Variants in COL26A1 observed in about 807,000 individuals in gnomAD.
COL26A1 encodes collagen alpha-1(XXVI) chain.
COL26A1 carries 41 observed loss-of-function variants against 59.3 expected under a neutral mutation model. The observed-to-expected ratio is 0.69, with a 90% CI of 0.54 to 0.90. The LOEUF is 0.90. Among genes scored for constraint, COL26A1 ranks in the 40% least tolerant of loss-of-function variants. The pLI is 0.00. For missense variants in COL26A1, 612 were observed against 602.3 expected, an observed-to-expected ratio of 1.02 and a Z score of -0.17; for synonymous variants, 266 against 256.0, an observed-to-expected ratio of 1.04 and a Z score of -0.37.
intron 1 of COL26A1, among the ~76,000 whole-genome samples, chr7:101,408,440 T>G (rs1035279321): frequency 3.3e-5 from 5 of 152,220 alleles, no homozygotes; most frequent in Non-Finnish European, 7.3e-5. Flanking sequence ...GAGGTGACTC[T>G]GAGCAGCTGA....
intron 4 of COL26A1, among the ~76,000 whole-genome samples, chr7:101,534,063 G>A (rs1007921409): frequency 1.3e-5 from 2 of 152,206 alleles, no homozygotes; most frequent in African/African-American, 2.4e-5. Flanking sequence ...AGAGGGGCTC[G>A]ACCTGAGGGA....
intron 3 of COL26A1, among the ~76,000 whole-genome samples, chr7:101,513,100 G>A (rs1339000666): frequency 1.3e-5 from 2 of 151,926 alleles, no homozygotes; most frequent in East Asian, 3.9e-4. Context: ...TCCGCCTCCT[G>A]GGTTCAAGCA....
At chr7:101,387,203 C>T (rs1249267357) in intron 1 of COL26A1, among the ~76,000 whole-genome samples, 5 of 151,950 alleles carry the variant, frequency 3.3e-5, no homozygotes, top group Admixed American at 2.6e-4. Context: ...GACCCGAAAC[C>T]GGCACGAGAT....
intron 3 of COL26A1, among the ~76,000 whole-genome samples, chr7:101,484,038 C>T (rs1794216048): frequency 1.1e-5 from 1 of 88,318 alleles, no homozygotes; most frequent in African/African-American, 4.3e-5. Flanking sequence ...TGTGTGTAGA[C>T]AAGGTCTCGC....
intron 1 of COL26A1, among the ~76,000 whole-genome samples, chr7:101,396,095 C>T (rs1791849089): frequency 6.6e-6 from 1 of 151,708 alleles, no homozygotes; most frequent in East Asian, 1.9e-4. Flanking sequence ...CTGTTTCTAC[C>T]AAAAAACCAA....
intron 3 of COL26A1, among the ~76,000 whole-genome samples, chr7:101,496,711 AC>A (rs1340718617): frequency 1.3e-5 from 2 of 150,318 alleles, no homozygotes; most frequent in African/African-American, 4.9e-5. Context: ...CATGGCAAAA[AC>A]CCATCTCTAC....
At chr7:101,475,876 C>T (rs1209267876) in intron 3 of COL26A1, among the ~76,000 whole-genome samples, 5 of 132,630 alleles carry the variant, frequency 3.8e-5, no homozygotes, top group Admixed American at 8.1e-5. Flanking sequence ...CTCTTTCTTT[C>T]TCTTTCTCTC....
At chr7:101,463,642 CCATCCTTCCA>C (rs1793671373) in intron 3 of COL26A1, among the ~76,000 whole-genome samples, 1 of 27,142 alleles carries the variant, frequency 3.7e-5, no homozygotes, top group East Asian at 1.0e-3. Context: ...TTCCTTCCTT[CCATCCTTCCA>C]TCCTTCCATC....
chr7:101,407,906 T>G (rs571299409), intron 1 of COL26A1, among the ~76,000 whole-genome samples: 5 of 152,308 alleles, frequency 3.3e-5, no homozygotes, highest in Admixed American at 6.5e-5. Context: ...ATAACCTGCC[T>G]GTTAATTTGC....
At chr7:101,437,639 T>C (rs940193367) in intron 2 of COL26A1, among the ~76,000 whole-genome samples, 14 of 151,864 alleles carry the variant, frequency 9.2e-5, no homozygotes, top group Admixed American at 7.2e-4. Flanking sequence ...CAGTGGTACA[T>C]TCACAGCTCG....
intron 1 of COL26A1, among the ~76,000 whole-genome samples, chr7:101,404,435 C>T (rs369979967): frequency 6.9e-6 from 1 of 144,706 alleles, no homozygotes; most frequent in Non-Finnish European, 1.5e-5. Context: ...CATTTACCCT[C>T]CCCCCCCAAA....
At chr7:101,363,236 G>C (rs1223332338) in intron 1 of COL26A1, 46 bp downstream of exon 1, 1 of 1,268,594 alleles carries the variant, frequency 7.9e-7, no homozygotes, top group Non-Finnish European at 1.0e-6. Context: ...GGGAGGGAGC[G>C]GACAGCGGGG....
At chr7:101,550,961 G>C (rs760869911) in intron 9 of COL26A1, 147 bp from the exon 10 acceptor site, 10 of 856,970 alleles carry the variant, frequency 1.2e-5, no homozygotes, top group Admixed American at 2.1e-5. Flanking sequence ...CTTTGAGTCT[G>C]CCCTTCCCGT....
chr7:101,365,285 T>C (rs6973822), intron 1 of COL26A1, among the ~76,000 whole-genome samples: 3,834 of 152,228 alleles, frequency 0.025, 155 homozygotes, highest in African/African-American at 0.08. Context: ...GAAAATCAGA[T>C]CTACATCTAG....
At chr7:101,455,503 C>CTTTTTTTTTT (rs10690062) in intron 3 of COL26A1, among the ~76,000 whole-genome samples, 25 of 116,566 alleles carry the variant, frequency 2.1e-4, no homozygotes, top group African/African-American at 6.5e-4. Flanking sequence ...CTTTTCTTTT[C>CTTTTTTTTTT]TTTTTTTTTT....
intron 1 of COL26A1, among the ~76,000 whole-genome samples, chr7:101,367,873 G>A (rs4729697): frequency 0.58 from 88,062 of 151,836 alleles, 27,112 homozygotes; most frequent in African/African-American, 0.8. Flanking sequence ...CATTCAGTCT[G>A]TGGTATTCTG....
At chr7:101,395,774 G>C (rs1484441316) in intron 1 of COL26A1, among the ~76,000 whole-genome samples, 1 of 152,196 alleles carries the variant, frequency 6.6e-6, no homozygotes, top group Non-Finnish European at 1.5e-5. Flanking sequence ...AGGGACATCT[G>C]CCTTTAATCA....
At chr7:101,404,479 G>A (rs1184051417) in intron 1 of COL26A1, among the ~76,000 whole-genome samples, 1 of 152,310 alleles carries the variant, frequency 6.6e-6, no homozygotes, top group African/African-American at 2.4e-5. Context: ...CACAACCTCA[G>A]TTTTCCATCT....
chr7:101,470,859 G>A (rs1049193482), intron 3 of COL26A1, among the ~76,000 whole-genome samples: 17 of 152,046 alleles, frequency 1.1e-4, no homozygotes, highest in African/African-American at 4.1e-4. Flanking sequence ...CTAGTCACGT[G>A]GCTGGCTTCT....
Sources: allele counts gnomAD v4.1 joint callset (sites outside exome capture counted in the v4.1 genomes callset), GRCh38; gene constraint gnomAD v4.1.1; transcripts MANE v1.5; gene names NCBI Gene and HGNC (gene_info 2026-07-23, HGNC 2026-07-21).